The following GRAMD1A variants were observed in gnomAD, a reference collection of about 807,000 sequenced individuals.
GRAMD1A encodes the protein GRAM domain containing 1A.
GRAMD1A carries 50 observed loss-of-function variants against 92.0 expected under a neutral mutation model. That is an observed-to-expected ratio of 0.54 (90% confidence interval 0.43 to 0.69). The LOEUF (loss-of-function observed/expected upper bound fraction) is 0.69, where lower values mean the gene tolerates loss of function less well. Ranked by LOEUF, GRAMD1A falls within the 30% of genes least tolerant of loss-of-function variation. The probability of loss-of-function intolerance (pLI) is 0.00; values close to 1 mark genes in which losing one functional copy is unlikely to be tolerated. For missense variants in GRAMD1A, 819 were observed against 978.9 expected (o/e 0.84, Z 2.18); for synonymous variants, 405 against 403.6 (o/e 1.00, Z -0.04).
upstream of GRAMD1A, among the ~76,000 whole-genome samples, chr19:34,997,992 G>A (rs1600260739): frequency 6.6e-6 from 1 of 150,760 alleles, no homozygotes; most frequent in Non-Finnish European, 1.5e-5. Flanking sequence ...CGCTTGAACC[G>A]AGGAGGTGGA....
chr19:35,020,681 A>T (rs955817679), intron 13 of GRAMD1A, among the ~76,000 whole-genome samples: 2 of 148,282 alleles, frequency 1.3e-5, no homozygotes, highest in Admixed American at 6.7e-5. Flanking sequence ...AAAAAAAAAA[A>T]GGTGAACCAG....
At chr19:34,999,232 G>A (rs2014178962), upstream of GRAMD1A, among the ~76,000 whole-genome samples, 1 of 152,160 alleles carries the variant, frequency 6.6e-6, no homozygotes, top group Non-Finnish European at 1.5e-5. Context: ...TGACGGATTG[G>A]ATGTGGTGTG....
At chr19:35,023,922 T>G in intron 19 of GRAMD1A, 1 of 170,426 alleles carries the variant, frequency 5.9e-6, no homozygotes, top group Non-Finnish European at 1.2e-5. Flanking sequence ...CTTACTCTCA[T>G]TGGCTGCTGG....
chr19:35,008,882 C>T (rs1236695357), intron 1 of GRAMD1A, among the ~76,000 whole-genome samples: 1 of 151,974 alleles, frequency 6.6e-6, no homozygotes, highest in Non-Finnish European at 1.5e-5. Flanking sequence ...TTGTTTAAGC[C>T]CCAAAACAAC....
chr19:35,022,849 C>T, intron 16 of GRAMD1A, 51 bp from the exon 17 acceptor site: 1 of 1,583,010 alleles, frequency 6.3e-7, no homozygotes, highest in South Asian at 1.2e-5. Flanking sequence ...GTGTCGGGGG[C>T]AGGCCAGGCG....
At chr19:34,998,599 G>C (rs1295183258), upstream of GRAMD1A, 3 of 152,140 alleles carry the variant, frequency 2.0e-5, no homozygotes, top group East Asian at 5.8e-4. Flanking sequence ...CAACGCGCCT[G>C]ACCTGAAATA....
At position 35,009,984 on chromosome 19, in the gene GRAMD1A, ACC is replaced by A; in HGVS notation, c.325+16_325+17del. On this transcript the variant is annotated intron_variant, in intron 4 of 19. Transcript: ENST00000317991. Reference sequence around the variant, plus strand: ...ACGCCTCATTGTGGGTGAGTCCCGGACCCCCAGTCCCAGCTCCTAGCCCAGCC... The same window carrying A: ...ACGCCTCATTGTGGGTGAGTCCCGGACCCAGTCCCAGCTCCTAGCCCAGCC... The A allele has an allele frequency of 6.3e-7, 1 of 1,595,388 alleles. No individual in the cohort carries two copies. Among genetic ancestry groups the A allele is most frequent in the Non-Finnish European group, 8.6e-7 (1 of 1,163,404 alleles).
In GRAMD1A at chr19:35,009,198, C is replaced by T; in HGVS notation, c.88C>T (p.Arg30Trp). Reference protein sequence around the residue: ...RKRLQLLPPSRPPPEPEPGTM... With the variant: ...RKRLQLLPPSWPPPEPEPGTM... ...ACGGCTGCAGCTCCTGCCCCCAAGCCGGCCCCCACCTGAGCCAGAACCAGG... is the reference window on the plus strand; with the variant it reads ...ACGGCTGCAGCTCCTGCCCCCAAGCTGGCCCCCACCTGAGCCAGAACCAGG... Residue 30 changes from arginine (R) to tryptophan (W), a missense_variant, in exon 2 of 20, where the codon CGG (arginine) becomes TGG (tryptophan). Arg to Trp is a moderately radical substitution (Grantham distance 101). Coordinates refer to ENST00000317991, the MANE Select transcript of GRAMD1A (RefSeq NM_020895.5). The T allele has an allele frequency of 6.2e-7, 1 of 1,613,730 alleles. No individual in the cohort carries two copies. The highest frequency in any genetic ancestry group is 8.5e-7 in the Non-Finnish European group (1 of 1,179,612).
At chr19:34,996,291 G>T (rs748937689), upstream of GRAMD1A, 15 of 1,517,448 alleles carry the variant, frequency 9.9e-6, no homozygotes, top group Non-Finnish European at 1.2e-5. Flanking sequence ...TCCCAGGACA[G>T]GTCAGACCTG....
chr19:35,013,460 G>A lies in GRAMD1A; in HGVS notation c.720-81G>A. On this transcript the variant is annotated intron_variant, in intron 8 of 19. Transcript: ENST00000317991. The surrounding 1 kb of genome is among the most constrained non-coding windows in gnomAD (Gnocchi z 4.9). ...CTGGAGTGCTGGGGGGCCTGAGATGGTTGTATGACGTCTGGAGGATTCAGG... is the reference window on the plus strand; with the variant it reads ...CTGGAGTGCTGGGGGGCCTGAGATGATTGTATGACGTCTGGAGGATTCAGG... 1 of 1,540,146 alleles carries A rather than the reference G, an allele frequency of 6.5e-7. No homozygotes were observed. The highest frequency in any genetic ancestry group is 8.9e-7 in the Non-Finnish European group (1 of 1,118,918).
Position 35,000,547 on chromosome 19 carries a change from G to T in GRAMD1A, c.8+61G>T. ...GCGCGGGGGAGGCCACCGGAGGGAG[G>T]GGGCGCCGCGGGCTTGGGGAGGGGG... is the stretch of plus-strand genomic sequence containing the variant. On this transcript the variant is annotated intron_variant, in intron 1 of 19. Coordinates refer to ENST00000317991, the MANE Select transcript of GRAMD1A (RefSeq NM_020895.5). The surrounding 1 kb of genome is among the most constrained non-coding windows in gnomAD (Gnocchi z 4.9). The T allele has an allele frequency of 8.2e-7, 1 of 1,216,572 alleles. No individual in the cohort carries two copies. Among genetic ancestry groups the T allele is most frequent in the Non-Finnish European group, 1.0e-6 (1 of 965,948 alleles). The allele number at this position is 1,216,572 out of a possible 1,614,324, so 75.4% of individuals were successfully genotyped here. A position where few individuals can be genotyped will look rare whatever the true frequency, so the allele number is the denominator to read the frequency against.
chr19:35,008,863 T>C (rs1247709921), intron 1 of GRAMD1A, among the ~76,000 whole-genome samples: 1 of 152,200 alleles, frequency 6.6e-6, no homozygotes, highest in African/African-American at 2.4e-5. Flanking sequence ...GTGCTTTACA[T>C]GTCCTGATTT....
At chr19:35,009,371 G>T (rs2015056408) in intron 2 of GRAMD1A, 42 bp downstream of exon 2, 2 of 1,613,494 alleles carry the variant, frequency 1.2e-6, no homozygotes, top group Non-Finnish European at 1.7e-6. Flanking sequence ...GGCTAGTGGG[G>T]GCTGGCCGGT....
At position 35,022,837 on chromosome 19, in the gene GRAMD1A, G is replaced by C. The variant is rs2016163629; in HGVS notation, c.1842-63G>C. On this transcript the variant is annotated intron_variant, in intron 16 of 19. Transcript: ENST00000317991. ...AGCTGCCCCGGGTGAGGAGGGCTGGGGGTGTCGGGGGCAGGCCAGGCGGCG... is the reference window on the plus strand; with the variant it reads ...AGCTGCCCCGGGTGAGGAGGGCTGGCGGTGTCGGGGGCAGGCCAGGCGGCG... 1.9e-6 allele frequency: 3 copies of C among 1,557,166 alleles called. No individual in the cohort carries two copies. In the Admixed American group the frequency reaches 5.5e-5, roughly 29 times the overall value.
intron 17 of GRAMD1A, 122 bp downstream of exon 17, chr19:35,023,033 G>T (rs915358522): frequency 7.8e-6 from 7 of 895,924 alleles, no homozygotes; most frequent in African/African-American, 1.6e-5. Flanking sequence ...GCAGTCAAGG[G>T]TATGGGCATC....
chr19:35,020,778 C>T (rs1043603386), intron 13 of GRAMD1A, among the ~76,000 whole-genome samples: 6 of 151,932 alleles, frequency 3.9e-5, no homozygotes, highest in African/African-American at 1.2e-4. Flanking sequence ...TGACCTGACT[C>T]AGGTGGTCCC....
upstream of GRAMD1A, among the ~76,000 whole-genome samples, chr19:34,996,929 T>C (rs533860906): frequency 6.6e-6 from 1 of 152,192 alleles, no homozygotes; most frequent in African/African-American, 2.4e-5. Flanking sequence ...GCCCTTGTTT[T>C]TTGTTTTTTG....
chr19:35,008,298 C>A (rs1281533768), intron 1 of GRAMD1A, among the ~76,000 whole-genome samples: 1 of 152,020 alleles, frequency 6.6e-6, no homozygotes, highest in Non-Finnish European at 1.5e-5. Context: ...CACTGCACTC[C>A]AGCCTAGGTG....
Position 35,000,425 on chromosome 19 carries a change from C to CCTGCA in GRAMD1A, c.-50_-49insACTGC, listed in dbSNP as rs2151695992. On this transcript the variant is annotated 5_prime_UTR_variant, in exon 1 of 20. Coordinates refer to ENST00000317991, the MANE Select transcript of GRAMD1A (RefSeq NM_020895.5). This position sits in a 1 kb window ranked among gnomAD's most constrained non-coding sequence, Gnocchi z 4.9. ...GCAGCCCAGCCCCGCGCAGCCCAGCCCTGCCCTGCCCTGCCCTGCCCTGCG... is the reference window on the plus strand; with the variant it reads ...GCAGCCCAGCCCCGCGCAGCCCAGCCCTGCACTGCCCTGCCCTGCCCTGCCCTGCG... 2 of 1,215,282 alleles carry CCTGCA rather than the reference C, an allele frequency of 1.6e-6. No individual in the cohort carries two copies. Among genetic ancestry groups the CCTGCA allele is most frequent in the Non-Finnish European group, 2.1e-6 (2 of 974,094 alleles). The allele number at this position is 1,215,282 out of a possible 1,614,324, so 75.3% of individuals were successfully genotyped here.
Sources: gnomAD v4.1 joint callset for allele counts (sites outside exome capture counted in the v4.1 genomes callset) on GRCh38, gnomAD v4.1.1 for gene constraint, Gnocchi (gnomAD v3.1) non-coding constraint, MANE v1.5 for transcripts, NCBI Gene and HGNC (gene_info 2026-07-23, HGNC 2026-07-21) for gene names.